Variants in PSORS1C1 observed in about 807,000 individuals in gnomAD.
PSORS1C1 encodes the protein psoriasis susceptibility 1 candidate 1, also known as psoriasis susceptibility 1 candidate gene 1 protein.
PSORS1C1 carries 7 observed loss-of-function variants against 9.4 expected under a neutral mutation model. The ratio of observed to expected loss-of-function variants is 0.75; its 90% confidence interval spans 0.42 to 1.40. The LOEUF (loss-of-function observed/expected upper bound fraction) is 1.40, where lower values mean the gene tolerates loss of function less well. Among genes scored for constraint, PSORS1C1 ranks in the 40% most tolerant of loss-of-function variants. PSORS1C1 has a pLI of 0.01. For missense variants in PSORS1C1, 146 were observed against 178.1 expected (o/e 0.82, Z 1.02); for synonymous variants, 63 against 69.4 (o/e 0.91, Z 0.46).
At chr6:31,116,250 A>T in intron 1 of PSORS1C1, 1 of 1,614,076 alleles carries the variant, frequency 6.2e-7, no homozygotes, top group Non-Finnish European at 8.5e-7. Flanking sequence ...AAGGGTGACC[A>T]GAAGAGCTGG....
At chr6:31,138,634 T>C in intron 4 of PSORS1C1, 22 bp from the exon 5 acceptor site, 1 of 1,612,852 alleles carries the variant, frequency 6.2e-7, no homozygotes, top group African/African-American at 1.3e-5. Flanking sequence ...CAACCCAAAG[T>C]GGGTTACACC....
chr6:31,136,514 G>C (rs993536430), intron 3 of PSORS1C1, among the ~76,000 whole-genome samples: 2 of 152,122 alleles, frequency 1.3e-5, no homozygotes, highest in African/African-American at 2.4e-5. Context: ...GGACAAGCAG[G>C]AGATTCATTC....
rs779176995 is a variant in PSORS1C1, at chr6:31,138,729, C to G, written c.117C>G (p.Pro39=). 1 of 1,613,810 alleles carries G rather than the reference C, an allele frequency of 6.2e-7. No individual in the cohort carries two copies. The highest frequency in any genetic ancestry group is 8.5e-7 in the Non-Finnish European group (1 of 1,179,816). ...TDPSSEETRP[P]HVNPDRLCHM... is the part of the protein sequence containing the mutation. ...CCAGCTCCGAGGAAACTCGTCCCCC[C>G]CACGTTAATCCTGACCGACTTTGCC... The change falls in exon 5 of 6, where the codon CCC becomes CCG. Residue 39 remains proline (P), a synonymous_variant. Coordinates refer to ENST00000259881, the MANE Select transcript of PSORS1C1 (RefSeq NM_014068.3).
chr6:31,117,576 C>T, intron 1 of PSORS1C1: 1 of 1,482,920 alleles, frequency 6.7e-7, no homozygotes, highest in Non-Finnish European at 9.2e-7. Flanking sequence ...GGCTTGGCTT[C>T]CTCCCTCACC....
intron 3 of PSORS1C1, among the ~76,000 whole-genome samples, chr6:31,132,866 A>AG (rs1561768543): frequency 4.8e-4 from 72 of 149,472 alleles, no homozygotes; most frequent in Non-Finnish European, 1.0e-3. Context: ...AAAAAAAGTA[A>AG]TGAGGGTGGG....
At chr6:31,120,716 G>A (rs1010971414) in intron 1 of PSORS1C1, among the ~76,000 whole-genome samples, 3 of 152,062 alleles carry the variant, frequency 2.0e-5, no homozygotes, top group South Asian at 2.1e-4. Flanking sequence ...GGAACCAGGC[G>A]CTCTGCCCCA....
In PSORS1C1 at chr6:31,116,271, A is replaced by G. The variant is rs3094216; in HGVS notation, c.-229+1380A>G. 0.23 allele frequency: 378,734 copies of G among 1,613,834 alleles called. 47,303 individuals are homozygous for G. The highest frequency in any genetic ancestry group is 0.25 in the Non-Finnish European group (300,398 of 1,179,902). On this transcript the variant is annotated intron_variant, in intron 1 of 5. Coordinates refer to ENST00000259881, the MANE Select transcript of PSORS1C1 (RefSeq NM_014068.3). ...GACCAGAAGAGCTGGACTTGCTGCC[A>G]CAAGGCTGAAGGATGATTTTGCCAC...
At position 31,119,673 on chromosome 6, in the gene PSORS1C1, C is replaced by T. The variant is rs767117115; in HGVS notation, c.-229+4782C>T. Among the ~76,000 whole-genome samples, 8 of 152,174 alleles carry T rather than the reference C, an allele frequency of 5.3e-5. No homozygotes were observed. The East Asian group carries it at 7.7e-4, about 15-fold the overall frequency. Reference sequence around the variant, plus strand: ...CAGCACCTTGGGAGGCTGAGGCGAGCGGATCACTTGAGTCAGGAGTTCAAG... The same window carrying T: ...CAGCACCTTGGGAGGCTGAGGCGAGTGGATCACTTGAGTCAGGAGTTCAAG... On this transcript the variant is annotated intron_variant, in intron 1 of 5. Coordinates refer to ENST00000259881, the MANE Select transcript of PSORS1C1 (RefSeq NM_014068.3).
intron 3 of PSORS1C1, 176 bp from the exon 4 acceptor site, chr6:31,138,254 C>T (rs992483310): frequency 6.4e-6 from 10 of 1,568,550 alleles, no homozygotes; most frequent in Non-Finnish European, 8.6e-6. Context: ...AGCCTGCCTC[C>T]TCTCGGTCCT....
chr6:31,130,603 C>T (rs1402952775), intron 3 of PSORS1C1, among the ~76,000 whole-genome samples: 2 of 151,888 alleles, frequency 1.3e-5, no homozygotes, highest in African/African-American at 4.8e-5. Flanking sequence ...TTAGTAGAGA[C>T]AGGGTTTCAC....
chr6:31,117,031 C>T (rs1772178619), intron 1 of PSORS1C1: 1 of 1,614,238 alleles, frequency 6.2e-7, no homozygotes, highest in Non-Finnish European at 8.5e-7. Context: ...AGAGGAAGAG[C>T]TTTGTCCAGG....
Position 31,114,900 on chromosome 6 carries a change from T to A in PSORS1C1, c.-229+9T>A. 2 of 437,602 alleles carry A rather than the reference T, an allele frequency of 4.6e-6. No individual in the cohort carries two copies. The highest frequency in any genetic ancestry group is 9.0e-6 in the Non-Finnish European group (2 of 221,426). 27.1% of individuals were successfully genotyped at this position (437,602 alleles called of 1,614,324 possible). A position where few individuals can be genotyped will look rare whatever the true frequency, so the allele number is the denominator to read the frequency against. On this transcript the variant is annotated intron_variant, in intron 1 of 5. Transcript: ENST00000259881. ...AGGATGGCATCTAGAAGGTGAGGAATGCTAATGGTGGAAGAAAAGGAGTTT... is the reference window on the plus strand; with the variant it reads ...AGGATGGCATCTAGAAGGTGAGGAAAGCTAATGGTGGAAGAAAAGGAGTTT...
At chr6:31,131,156 C>A (rs555885201) in intron 3 of PSORS1C1, among the ~76,000 whole-genome samples, 1 of 152,220 alleles carries the variant, frequency 6.6e-6, no homozygotes, top group Admixed American at 6.5e-5. Flanking sequence ...CTCTCTTCTT[C>A]GGGTTATTTT....
intron 3 of PSORS1C1, chr6:31,137,601 G>T (rs1196558930): frequency 3.2e-6 from 1 of 311,394 alleles, no homozygotes; most frequent in East Asian, 5.1e-5. Flanking sequence ...AGTTCCTGCC[G>T]CCGGCCACCA....
chr6:31,123,568 C>T (rs180676994), intron 1 of PSORS1C1, among the ~76,000 whole-genome samples: 2 of 152,308 alleles, frequency 1.3e-5, no homozygotes, highest in East Asian at 1.9e-4. Flanking sequence ...TGCATTGGAC[C>T]GGGTGAGAAA....
intron 3 of PSORS1C1, among the ~76,000 whole-genome samples, chr6:31,129,859 G>A (rs1399262400): frequency 6.6e-6 from 1 of 152,228 alleles, no homozygotes. Context: ...GCAGCATGCT[G>A]TAAAGAGCCC....
intron 3 of PSORS1C1, among the ~76,000 whole-genome samples, chr6:31,130,743 A>T (rs1027281098): frequency 6.6e-6 from 1 of 152,032 alleles, no homozygotes; most frequent in Admixed American, 6.6e-5. Flanking sequence ...AGGTGAGGTC[A>T]CACTATGTTG....
chr6:31,131,493 A>T (rs1772911270), intron 3 of PSORS1C1, among the ~76,000 whole-genome samples: 1 of 147,440 alleles, frequency 6.8e-6, no homozygotes, highest in Admixed American at 6.9e-5. Flanking sequence ...GCCATGTGGG[A>T]GGCTGAGGCA....
chr6:31,123,114 A>G (rs1581847787), intron 1 of PSORS1C1, among the ~76,000 whole-genome samples: 1 of 152,264 alleles, frequency 6.6e-6, no homozygotes, highest in Non-Finnish European at 1.5e-5. Flanking sequence ...AGGCTGGAGG[A>G]GGCACAGTCT....
Sources: allele counts gnomAD v4.1 joint callset (sites outside exome capture counted in the v4.1 genomes callset), GRCh38; gene constraint gnomAD v4.1.1; transcripts MANE v1.5; gene names NCBI Gene and HGNC (gene_info 2026-07-23, HGNC 2026-07-21).